PACRG: variants seen among roughly 807,000 people sequenced by gnomAD.
PACRG encodes parkin coregulated.
In PACRG, 29 loss-of-function variants were observed where a neutral mutation model predicts 29.7. The observed-to-expected ratio is 0.98, with a 90% CI of 0.73 to 1.33. PACRG has a LOEUF of 1.33. Among genes scored for constraint, PACRG ranks in the 40% most tolerant of loss-of-function variants. The probability of loss-of-function intolerance (pLI) is 0.00; values close to 1 mark genes in which losing one functional copy is unlikely to be tolerated. For missense variants in PACRG, 279 were observed against 316.2 expected (o/e 0.88, Z 0.89); for synonymous variants, 116 against 118.7 (o/e 0.98, Z 0.15).
intron 3 of PACRG, among the ~76,000 whole-genome samples, chr6:163,078,042 C>CAAAT (rs200751351): frequency 6.6e-6 from 1 of 152,164 alleles, no homozygotes; most frequent in African/African-American, 2.4e-5. Flanking sequence ...TTCCCACTCT[C>CAAAT]AAATAAATAA....
intron 2 of PACRG, chr6:163,043,286 G>A (rs981990069): frequency 6.6e-6 from 1 of 152,216 alleles, no homozygotes; most frequent in Non-Finnish European, 1.5e-5. Flanking sequence ...CAGACACAGT[G>A]GCTCACGCCT....
chr6:162,746,664 G>A (rs1359174226), intron 1 of PACRG, among the ~76,000 whole-genome samples: 2 of 152,216 alleles, frequency 1.3e-5, no homozygotes, highest in East Asian at 1.9e-4. Flanking sequence ...AATAGCCAGT[G>A]TCTTGGTCTC....
intron 1 of PACRG, among the ~76,000 whole-genome samples, chr6:162,749,246 G>A (rs1781331765): frequency 6.6e-6 from 1 of 152,158 alleles, no homozygotes; most frequent in Non-Finnish European, 1.5e-5. Context: ...ACAAGTATTT[G>A]CATGGATGTA....
intron 4 of PACRG, among the ~76,000 whole-genome samples, chr6:163,096,274 C>T (rs1814577169): frequency 6.6e-6 from 1 of 152,174 alleles, no homozygotes; most frequent in Non-Finnish European, 1.5e-5. Context: ...CCGCACCAGC[C>T]CAGTCTCGAG....
chr6:162,853,045 G>A lies in PACRG; in HGVS notation c.291+38764G>A, dbSNP rs997014492. Among the ~76,000 whole-genome samples, 1 of 152,216 alleles carries A rather than the reference G, an allele frequency of 6.6e-6. No homozygotes were observed. Among genetic ancestry groups the A allele is most frequent in the African/African-American group, 2.4e-5 (1 of 41,448 alleles). On this transcript the variant is annotated intron_variant, in intron 2 of 4. Transcript: ENST00000366888. The surrounding 1 kb of genome is among the most constrained non-coding windows in gnomAD (Gnocchi z 4.7). ...ACCTGGGGCCTTGCAGCCAGAGACA[G>A]TGAACTGTCAGGTTTGGGATGGATG...
At chr6:162,838,758 A>C in intron 2 of PACRG, among the ~76,000 whole-genome samples, 1 of 89,780 alleles carries the variant, frequency 1.1e-5, no homozygotes, top group East Asian at 3.6e-4. Flanking sequence ...CCACCCCACC[A>C]CAGTCCCCAG....
At chr6:163,143,715 A>G (rs371983033) in intron 4 of PACRG, among the ~76,000 whole-genome samples, 2 of 152,084 alleles carry the variant, frequency 1.3e-5, no homozygotes, top group African/African-American at 4.8e-5. Context: ...TGTGTGGCTG[A>G]GAAATCAACA....
At chr6:162,830,921 C>A (rs1213467120) in intron 2 of PACRG, among the ~76,000 whole-genome samples, 1 of 152,186 alleles carries the variant, frequency 6.6e-6, no homozygotes, top group Non-Finnish European at 1.5e-5. Flanking sequence ...CATGAATTTA[C>A]TCATTTATTC....
intron 2 of PACRG, among the ~76,000 whole-genome samples, chr6:162,990,198 T>A (rs1047454958): frequency 7.9e-5 from 12 of 151,502 alleles, no homozygotes; most frequent in African/African-American, 2.9e-4. Flanking sequence ...GCAATAAACA[T>A]ACGTGTGCAT....
intron 2 of PACRG, among the ~76,000 whole-genome samples, chr6:162,912,894 A>G (rs1316997588): frequency 6.6e-6 from 1 of 151,130 alleles, no homozygotes; most frequent in Non-Finnish European, 1.5e-5. Context: ...TTATAAATAC[A>G]TGTGTAGTAA....
chr6:163,168,417 G>C (rs1333134500), intron 4 of PACRG, among the ~76,000 whole-genome samples: 1 of 152,150 alleles, frequency 6.6e-6, no homozygotes, highest in Admixed American at 6.5e-5. Context: ...GCGGGTTGGG[G>C]GTGGGGGTGG....
chr6:162,950,385 G>C (rs1360728882), intron 2 of PACRG, among the ~76,000 whole-genome samples: 1 of 152,116 alleles, frequency 6.6e-6, no homozygotes, highest in Non-Finnish European at 1.5e-5. Flanking sequence ...GCGAGCGCCT[G>C]TATTCCCAGC....
At position 163,012,552 on chromosome 6, in the gene PACRG, A is replaced by T. The variant is rs192745136; in HGVS notation, c.292-49598A>T. On this transcript the variant is annotated intron_variant, in intron 2 of 4. Coordinates refer to ENST00000366888, the MANE Select transcript of PACRG (RefSeq NM_001080379.2). ...CTGCACACCAGGGCTGCTGTGACGC[A>T]TAGCCCTGGCAGGTGCTTTCTCATT... is the stretch of plus-strand genomic sequence containing the variant. 5.3e-5 allele frequency among the ~76,000 whole-genome samples: 8 copies of T among 152,376 alleles called. No homozygotes were observed. The East Asian group carries it at 1.5e-3, about 29-fold the overall frequency.
intron 4 of PACRG, among the ~76,000 whole-genome samples, chr6:163,289,124 A>G (rs1784493939): frequency 6.6e-6 from 1 of 152,178 alleles, no homozygotes; most frequent in Non-Finnish European, 1.5e-5. Context: ...CAAATTTGGA[A>G]TTCCGTGCAC....
At chr6:163,164,261 C>T (rs1177416393) in intron 4 of PACRG, among the ~76,000 whole-genome samples, 1 of 152,192 alleles carries the variant, frequency 6.6e-6, no homozygotes, top group Non-Finnish European at 1.5e-5. Context: ...CCCTCAAATT[C>T]CTTTCGATAT....
At chr6:162,978,475 C>T (rs1802142061) in intron 2 of PACRG, among the ~76,000 whole-genome samples, 1 of 111,692 alleles carries the variant, frequency 9.0e-6, no homozygotes, top group Non-Finnish European at 2.0e-5. Context: ...GTCTCTCTCA[C>T]ACACACATAC....
Position 163,020,127 on chromosome 6 carries a change from A to G in PACRG, c.292-42023A>G, listed in dbSNP as rs74954948. 6.0e-4 allele frequency among the ~76,000 whole-genome samples: 91 copies of G among 152,354 alleles called. 3 individuals carry two copies. In the East Asian group the frequency reaches 0.017, roughly 29 times the overall value. On this transcript the variant is annotated intron_variant, in intron 2 of 4. Coordinates refer to ENST00000366888, the MANE Select transcript of PACRG (RefSeq NM_001080379.2). ...AGGGTAACAATGTAAAGAAAACATAATACTTTCAGTCTCTACCAATCCAGG... is the reference window on the plus strand; with the variant it reads ...AGGGTAACAATGTAAAGAAAACATAGTACTTTCAGTCTCTACCAATCCAGG...
chr6:163,283,807 C>CAAAA lies in PACRG; in HGVS notation c.614-31003_614-31000dup, dbSNP rs11342579. Reference sequence around the variant, plus strand: ...TGGGCGACAGAGCGAGACTCCGTCTCAAAAAAAAAAAAAAAAAAAATTTAG... The same window carrying CAAAA: ...TGGGCGACAGAGCGAGACTCCGTCTCAAAAAAAAAAAAAAAAAAAAAAAATTTAG... On this transcript the variant is annotated intron_variant, in intron 4 of 4. Coordinates refer to ENST00000366888, the MANE Select transcript of PACRG (RefSeq NM_001080379.2). Among the ~76,000 whole-genome samples the CAAAA allele has an allele frequency of 5.0e-5, 5 of 100,294 alleles. No individual in the cohort carries two copies. In the East Asian group the frequency reaches 1.6e-3, roughly 32 times the overall value. 65.8% of individuals were successfully genotyped at this position (100,294 alleles called of 152,430 possible).
chr6:163,208,556 T>C (rs564590136), intron 4 of PACRG, among the ~76,000 whole-genome samples: 1 of 152,352 alleles, frequency 6.6e-6, no homozygotes, highest in East Asian at 1.9e-4. Flanking sequence ...AGTGTGCTAT[T>C]GGATTTGAAG....
Sources: allele counts gnomAD v4.1 joint callset (sites outside exome capture counted in the v4.1 genomes callset), GRCh38; gene constraint gnomAD v4.1.1; non-coding constraint Gnocchi (gnomAD v3.1); transcripts MANE v1.5; gene names NCBI Gene and HGNC (gene_info 2026-07-23, HGNC 2026-07-21).